Variants in RELL1 observed in about 807,000 individuals in gnomAD.
RELL1 encodes RELT like 1, also known as RELT-like protein 1.
Under a neutral mutation model 23.0 loss-of-function variants are expected in RELL1, and 10 were observed. The ratio of observed to expected loss-of-function variants is 0.43; its 90% CI spans 0.27 to 0.74. RELL1 has a LOEUF of 0.74. RELL1 is among the 30% of genes least tolerant of loss of function. The pLI is 0.19. For missense variants in RELL1, 315 were observed against 364.4 expected (o/e 0.86, Z 1.10); for synonymous variants, 146 against 146.8 (o/e 0.99, Z 0.04).
chr4:37,604,929 A>ACG (rs1560324113), intron 6 of RELL1, among the ~76,000 whole-genome samples: 1 of 62,518 alleles, frequency 1.6e-5, no homozygotes, highest in Non-Finnish European at 3.6e-5. Context: ...AGACACACAC[A>ACG]CACAGACACA....
At chr4:37,644,818 A>G (rs1338317311) in intron 3 of RELL1, among the ~76,000 whole-genome samples, 1 of 152,088 alleles carries the variant, frequency 6.6e-6, no homozygotes, top group Non-Finnish European at 1.5e-5. Flanking sequence ...TACCCCAGCT[A>G]TATACTGTCC....
intron 1 of RELL1, among the ~76,000 whole-genome samples, chr4:37,668,666 C>A (rs1403228985): frequency 3.9e-5 from 6 of 151,970 alleles, no homozygotes; most frequent in African/African-American, 1.5e-4. Flanking sequence ...AGCGTCTCTG[C>A]CTGGCCGCCC....
intron 6 of RELL1, among the ~76,000 whole-genome samples, chr4:37,625,764 C>T (rs1309488453): frequency 6.6e-6 from 1 of 152,078 alleles, no homozygotes; most frequent in Non-Finnish European, 1.5e-5. Flanking sequence ...TAAATATCCT[C>T]ACCACAAAAA....
rs532463840 is a variant in RELL1 at position 37,615,998 on chromosome 4, C to T, written c.*4-2656G>A. ...CTCTAGAAAAAAAAAAGAAATTGAT[C>T]CCTTTAAAAATTAGAAACATGTTAT... On this transcript the variant is annotated intron_variant, in intron 6 of 6. Coordinates refer to ENST00000454158, the MANE Select transcript of RELL1 (RefSeq NM_001085400.2). 8.9e-4 allele frequency among the ~76,000 whole-genome samples: 135 copies of T among 152,038 alleles called. 2 individuals carry two copies. Among genetic ancestry groups the T allele is most frequent in the Admixed American group, 2.4e-3 (36 of 15,268 alleles).
At chr4:37,604,256 C>T (rs1719091375) in intron 6 of RELL1, among the ~76,000 whole-genome samples, 1 of 152,140 alleles carries the variant, frequency 6.6e-6, no homozygotes, top group Admixed American at 6.5e-5. Context: ...AGTGACCAAA[C>T]GTCCCCATTC....
At chr4:37,623,431 G>A (rs1222472752) in intron 6 of RELL1, 1 of 153,096 alleles carries the variant, frequency 6.5e-6, no homozygotes, top group African/African-American at 2.4e-5. Flanking sequence ...AAGCTCCCAA[G>A]TATAAATTTC....
chr4:37,660,979 C>A (rs111396261), intron 1 of RELL1, among the ~76,000 whole-genome samples: 191 of 150,984 alleles, frequency 1.3e-3, no homozygotes, highest in African/African-American at 4.4e-3. Context: ...TGCAGTGAGC[C>A]GAGACTGTGC....
At chr4:37,618,819 A>C (rs1255219871) in intron 6 of RELL1, among the ~76,000 whole-genome samples, 1 of 152,146 alleles carries the variant, frequency 6.6e-6, no homozygotes, top group Non-Finnish European at 1.5e-5. Context: ...GTGTGGGATA[A>C]TGTCCATCTC....
intron 1 of RELL1, among the ~76,000 whole-genome samples, chr4:37,651,076 A>ATT (rs753198390): frequency 4.0e-5 from 6 of 149,574 alleles, no homozygotes; most frequent in Admixed American, 1.3e-4. Flanking sequence ...AAAAAAAAAA[A>ATT]TTAAATTAAA....
At chr4:37,644,911 T>C (rs1435387209) in intron 3 of RELL1, among the ~76,000 whole-genome samples, 3 of 152,128 alleles carry the variant, frequency 2.0e-5, no homozygotes, top group African/African-American at 7.2e-5. Flanking sequence ...AATAACAGAC[T>C]ATGGAACCAG....
intron 6 of RELL1, among the ~76,000 whole-genome samples, chr4:37,596,806 T>C (rs534372749): frequency 1.4e-4 from 19 of 131,668 alleles, no homozygotes; most frequent in African/African-American, 5.0e-4. Context: ...TGGAGTGCAA[T>C]GGCACGATCT....
At position 37,591,603 on chromosome 4, in the gene RELL1, G is replaced by C. The variant is rs905623966; in HGVS notation, c.*4-386C>G. On this transcript the variant is annotated intron_variant, in intron 6 of 6. Coordinates refer to the RELL1 transcript ENST00000314117. Reference sequence around the variant, plus strand: ...GAGCAGAAGTCCCCAGGAAACAAAGGGTTAGTCATTAGCTGAGATGTTGAT... The same window carrying C: ...GAGCAGAAGTCCCCAGGAAACAAAGCGTTAGTCATTAGCTGAGATGTTGAT... The C allele has an allele frequency of 2.6e-5, 4 of 152,152 alleles. No homozygotes were observed. In the South Asian group the frequency reaches 6.2e-4, roughly 24 times the overall value. The allele number at this position is 152,152 out of a possible 1,614,324, so 9.4% of individuals were successfully genotyped here.
chr4:37,639,748 C>T (rs985374690), intron 3 of RELL1, among the ~76,000 whole-genome samples: 10 of 152,236 alleles, frequency 6.6e-5, no homozygotes, highest in Non-Finnish European at 1.3e-4. Flanking sequence ...TCATGACTAA[C>T]CACAACAATT....
chr4:37,597,071 A>C (rs770098227), intron 6 of RELL1, among the ~76,000 whole-genome samples: 1 of 151,656 alleles, frequency 6.6e-6, no homozygotes, highest in African/African-American at 2.4e-5. Context: ...TTGAAAGCAC[A>C]TAGAGCATAC....
At chr4:37,650,512 G>A (rs1055305646) in intron 1 of RELL1, among the ~76,000 whole-genome samples, 6 of 152,102 alleles carry the variant, frequency 3.9e-5, no homozygotes, top group East Asian at 3.9e-4. Context: ...CGGGCAGATC[G>A]TGACAGATTG....
intron 1 of RELL1, among the ~76,000 whole-genome samples, chr4:37,669,318 G>T (rs1406445116): frequency 3.4e-5 from 5 of 148,624 alleles, no homozygotes; most frequent in Non-Finnish European, 6.0e-5. Context: ...GGGAAGTGAG[G>T]AGCCCCTCTG....
intron 2 of RELL1, among the ~76,000 whole-genome samples, chr4:37,647,707 A>G (rs1720757692): frequency 6.6e-6 from 1 of 152,230 alleles, no homozygotes; most frequent in Admixed American, 6.5e-5. Flanking sequence ...CATTTGTACC[A>G]GTCTTCATTA....
chr4:37,590,017 GA>G (rs372642364), downstream of RELL1: 136 of 1,076,242 alleles, frequency 1.3e-4, 1 homozygote, highest in African/African-American at 2.0e-3. Context: ...ATCGTAGAAA[GA>G]AGCAGGGCCT....
intron 1 of RELL1, among the ~76,000 whole-genome samples, chr4:37,676,140 C>A (rs1044940042): frequency 2.0e-4 from 31 of 152,134 alleles, no homozygotes; most frequent in African/African-American, 7.2e-4. Flanking sequence ...CCAACCCCAG[C>A]CCTAGGTTAG....
Sources: gnomAD v4.1 joint callset for allele counts (sites outside exome capture counted in the v4.1 genomes callset) on GRCh38, gnomAD v4.1.1 for gene constraint, MANE v1.5 for transcripts, NCBI Gene and HGNC (gene_info 2026-07-23, HGNC 2026-07-21) for gene names.